KPNA1: variants seen among roughly 807,000 people sequenced by gnomAD.
KPNA1 encodes karyopherin subunit alpha 1.
In KPNA1, 10 loss-of-function variants were observed where a neutral mutation model predicts 70.5. The ratio of observed to expected loss-of-function variants is 0.14; its 90% CI spans 0.09 to 0.24. The LOEUF (loss-of-function observed/expected upper bound fraction) is 0.24. Among genes scored for constraint, KPNA1 ranks in the 10% least tolerant of loss-of-function variants. The probability of loss-of-function intolerance (pLI) is 1.00; values close to 1 mark genes in which losing one functional copy is unlikely to be tolerated. For synonymous variants in KPNA1, 192 were observed against 221.9 expected (o/e 0.87, Z 1.20); for missense variants, 397 against 637.9 (o/e 0.62, Z 4.07).
intron 12 of KPNA1, among the ~76,000 whole-genome samples, chr3:122,429,371 A>G (rs1423252806): frequency 6.8e-6 from 1 of 146,476 alleles, no homozygotes; most frequent in African/African-American, 2.5e-5. Flanking sequence ...TTGCTTGAAC[A>G]CAGGAGGCGG....
At chr3:122,443,571 T>C (rs934497428) in intron 9 of KPNA1, among the ~76,000 whole-genome samples, 2 of 152,152 alleles carry the variant, frequency 1.3e-5, no homozygotes, top group Admixed American at 6.5e-5. Context: ...TGTAGGTTCT[T>C]TTCTATTTTC....
rs371456529 is a variant in KPNA1, at chr3:122,479,849, C to T, written c.130-12420G>A. On this transcript the variant is annotated intron_variant, in intron 2 of 13. Coordinates refer to ENST00000344337, the MANE Select transcript of KPNA1 (RefSeq NM_002264.4). Reference sequence around the variant, plus strand: ...AAAAACCTGAAAGCTTATATCTATACAAAATCCTTCCCACAAATGTATATA... The same window carrying T: ...AAAAACCTGAAAGCTTATATCTATATAAAATCCTTCCCACAAATGTATATA... 1.6e-4 allele frequency among the ~76,000 whole-genome samples: 25 copies of T among 152,120 alleles called. 1 individual carries two copies. The highest frequency in any genetic ancestry group is 7.7e-4 in the East Asian group (4 of 5,190).
chr3:122,483,885 C>T (rs1375167404), intron 2 of KPNA1, among the ~76,000 whole-genome samples: 1 of 152,122 alleles, frequency 6.6e-6, no homozygotes, highest in African/African-American at 2.4e-5. Context: ...TCCTACAATA[C>T]AAAGTATACA....
At position 122,453,725 on chromosome 3, in the gene KPNA1, C is replaced by T. The variant is rs139604069; in HGVS notation, c.564+145G>A. On this transcript the variant is annotated intron_variant, in intron 6 of 13. Coordinates refer to ENST00000344337, the MANE Select transcript of KPNA1 (RefSeq NM_002264.4). ...CTAATTTTTGTATTTTTAGTAGAGACGGGATTTCACCATGTTGGCTAGGCT... is the reference window on the plus strand; with the variant it reads ...CTAATTTTTGTATTTTTAGTAGAGATGGGATTTCACCATGTTGGCTAGGCT... 1,608 of 612,806 alleles carry T rather than the reference C, an allele frequency of 2.6e-3. 16 individuals carry two copies. The highest frequency in any genetic ancestry group is 0.026 in the African/African-American group (1,359 of 52,374). 38.0% of individuals were successfully genotyped at this position (612,806 alleles called of 1,614,324 possible).
intron 2 of KPNA1, among the ~76,000 whole-genome samples, chr3:122,495,562 G>T (rs12639473): frequency 1.2e-4 from 18 of 151,884 alleles, no homozygotes; most frequent in Middle Eastern, 3.4e-3. Context: ...ATTATCTAAC[G>T]CAGTGTTTCA....
At chr3:122,497,183 T>C (rs1576343004) in intron 1 of KPNA1, among the ~76,000 whole-genome samples, 1 of 152,214 alleles carries the variant, frequency 6.6e-6, no homozygotes, top group Admixed American at 6.5e-5. Context: ...CAGAATCATA[T>C]AATATGCAGT....
intron 4 of KPNA1, among the ~76,000 whole-genome samples, chr3:122,461,645 T>G (rs1203418456): frequency 6.6e-6 from 1 of 152,212 alleles, no homozygotes; most frequent in Non-Finnish European, 1.5e-5. Context: ...CTGGTATACT[T>G]CCTTCTAGCC....
At chr3:122,437,478 A>G (rs2076004370) in intron 10 of KPNA1, among the ~76,000 whole-genome samples, 183 bp from the exon 11 acceptor site, 13 of 152,242 alleles carry the variant, frequency 8.5e-5, no homozygotes, top group Admixed American at 8.5e-4. Flanking sequence ...GTATCAGTAC[A>G]GTTTCATTGT....
intron 2 of KPNA1, among the ~76,000 whole-genome samples, chr3:122,474,046 T>A (rs1039685744): frequency 2.6e-5 from 4 of 152,142 alleles, no homozygotes; most frequent in African/African-American, 9.7e-5. Context: ...TCAACTGCTT[T>A]CCTATACACC....
chr3:122,439,213 C>T (rs1002578361), intron 10 of KPNA1, among the ~76,000 whole-genome samples: 3 of 152,224 alleles, frequency 2.0e-5, no homozygotes, highest in African/African-American at 4.8e-5. Context: ...AACATAGTCT[C>T]GTTCTATCAC....
intron 9 of KPNA1, among the ~76,000 whole-genome samples, chr3:122,444,040 A>G (rs562935541): frequency 7.4e-4 from 112 of 152,326 alleles, no homozygotes; most frequent in Non-Finnish European, 1.2e-3. Flanking sequence ...TCAACTGCAA[A>G]AGACAGACAC....
chr3:122,465,767 T>C (rs1254214796), intron 3 of KPNA1, among the ~76,000 whole-genome samples: 1 of 152,196 alleles, frequency 6.6e-6, no homozygotes, highest in East Asian at 1.9e-4. Context: ...CTGGGGGTAG[T>C]GGCGCACGCC....
chr3:122,509,986 G>A (rs1209707146), intron 1 of KPNA1, among the ~76,000 whole-genome samples: 1 of 152,130 alleles, frequency 6.6e-6, no homozygotes, highest in Non-Finnish European at 1.5e-5. Context: ...TTGGGGTAAA[G>A]GAAGATCACA....
At chr3:122,441,035 G>A (rs1029280164) in intron 10 of KPNA1, among the ~76,000 whole-genome samples, 11 of 152,190 alleles carry the variant, frequency 7.2e-5, no homozygotes, top group Non-Finnish European at 1.3e-4. Flanking sequence ...TGAAGAAAAC[G>A]CTAAGGCTAA....
Position 122,421,983 on chromosome 3 carries a change from A to G in KPNA1, c.*5002T>C, listed in dbSNP as rs1487396827. On this transcript the variant is annotated 3_prime_UTR_variant, in exon 14 of 14. Transcript: ENST00000344337. The stretch of plus-strand genomic sequence containing the variant: ...ATTTAGTATTTATTGAATGTCTACT[A>G]TGTGCAAGGCACTCACCCATGGCCT... 6.6e-6 allele frequency: 1 copy of G among 152,246 alleles called. No homozygotes were observed. Among genetic ancestry groups the G allele is most frequent in the Non-Finnish European group, 1.5e-5 (1 of 68,044 alleles). The allele number at this position is 152,246 out of a possible 1,614,324, so 9.4% of individuals were successfully genotyped here.
intron 2 of KPNA1, among the ~76,000 whole-genome samples, chr3:122,469,679 G>C (rs2076420226): frequency 6.6e-6 from 1 of 152,048 alleles, no homozygotes; most frequent in African/African-American, 2.4e-5. Context: ...TGGAAGCCCA[G>C]AGAACACCAA....
At chr3:122,506,098 A>G (rs756131463) in intron 1 of KPNA1, among the ~76,000 whole-genome samples, 18 of 152,246 alleles carry the variant, frequency 1.2e-4, no homozygotes, top group Non-Finnish European at 2.4e-4. Context: ...ATGAGTGTAG[A>G]TCTTTTTATA....
At chr3:122,451,241 G>A (rs1252781431) in intron 8 of KPNA1, among the ~76,000 whole-genome samples, 2 of 152,012 alleles carry the variant, frequency 1.3e-5, no homozygotes, top group African/African-American at 4.8e-5. Flanking sequence ...CTCCTAAACA[G>A]TATACTAATT....
chr3:122,461,679 G>T (rs2076325534), intron 4 of KPNA1, among the ~76,000 whole-genome samples: 1 of 152,170 alleles, frequency 6.6e-6, no homozygotes, highest in Non-Finnish European at 1.5e-5. Context: ...TGAGTTTTAA[G>T]TCTAACTGCT....
Sources: gnomAD v4.1 joint callset for allele counts (sites outside exome capture counted in the v4.1 genomes callset) on GRCh38, gnomAD v4.1.1 for gene constraint, MANE v1.5 for transcripts, NCBI Gene and HGNC (gene_info 2026-07-23, HGNC 2026-07-21) for gene names.